MEIS1: variants seen among roughly 807,000 people sequenced by gnomAD.
MEIS1 encodes the protein Meis homeobox 1, also known as homeobox protein Meis1.
Under a neutral mutation model 50.8 loss-of-function variants are expected in MEIS1, and 5 were observed. That is an observed-to-expected ratio of 0.10 (90% CI 0.05 to 0.21). The LOEUF is 0.21. Ranked by LOEUF, MEIS1 falls within the 10% of genes least tolerant of loss-of-function variation. MEIS1 has a pLI of 1.00. For synonymous variants in MEIS1, 176 were observed against 179.3 expected, an observed-to-expected ratio of 0.98 and a Z score of 0.15; for missense variants, 318 against 517.3, an observed-to-expected ratio of 0.61 and a Z score of 3.74.
chr2:66,514,207 ATCAAATAT>A (rs1673907102), intron 8 of MEIS1, among the ~76,000 whole-genome samples: 1 of 152,200 alleles, frequency 6.6e-6, no homozygotes, highest in Non-Finnish European at 1.5e-5. Context: ...ATAAAATATA[ATCAAATAT>A]TGGTTCAGAC....
At chr2:66,555,254 T>TTCTCTCTCTCTC (rs776470607) in intron 9 of MEIS1, among the ~76,000 whole-genome samples, 4 of 35,486 alleles carry the variant, frequency 1.1e-4, no homozygotes, top group Non-Finnish European at 2.4e-4. Context: ...TGTGTACGTG[T>TTCTCTCTCTCTC]TCTCTCTCTC....
intron 6 of MEIS1, among the ~76,000 whole-genome samples, chr2:66,449,292 A>G (rs2103707846): frequency 6.6e-6 from 1 of 152,186 alleles, no homozygotes; most frequent in Non-Finnish European, 1.5e-5. Flanking sequence ...AACATATAAA[A>G]TACAGTCTCC....
chr2:66,471,131 T>C (rs186989121), intron 7 of MEIS1, among the ~76,000 whole-genome samples: 2 of 152,366 alleles, frequency 1.3e-5, no homozygotes, highest in Admixed American at 1.3e-4. Flanking sequence ...AGTTGGAGTT[T>C]CAGCTTGTCT....
intron 10 of MEIS1, chr2:66,568,466 T>C: frequency 4.2e-6 from 2 of 475,680 alleles, no homozygotes; most frequent in Non-Finnish European, 7.7e-6. Context: ...GTTCCCTCTT[T>C]GAGCTAGATG....
intron 7 of MEIS1, among the ~76,000 whole-genome samples, chr2:66,505,626 A>C (rs1361977325): frequency 6.6e-6 from 1 of 152,218 alleles, no homozygotes; most frequent in East Asian, 1.9e-4. Context: ...AAACCTGGGA[A>C]ATGTGCAAAG....
At chr2:66,478,602 C>G (rs913434326) in intron 7 of MEIS1, among the ~76,000 whole-genome samples, 8 of 152,214 alleles carry the variant, frequency 5.3e-5, no homozygotes, top group Non-Finnish European at 5.9e-5. Context: ...AAACATCTAT[C>G]TGACTTTTTA....
intron 8 of MEIS1, among the ~76,000 whole-genome samples, chr2:66,542,862 A>G (rs1311563982): frequency 6.6e-6 from 1 of 152,204 alleles, no homozygotes; most frequent in African/African-American, 2.4e-5. Context: ...CCAAGGGTGG[A>G]AATTTTGATG....
intron 2 of MEIS1, chr2:66,439,555 T>G: frequency 1.3e-6 from 2 of 1,514,504 alleles, no homozygotes; most frequent in Non-Finnish European, 1.8e-6. Context: ...CTGGAAACGC[T>G]TGGGTTTTAT....
In MEIS1 at chr2:66,554,404, C is replaced by T. The variant is rs1464035952; in HGVS notation, c.965+6385C>T. On this transcript the variant is annotated intron_variant, in intron 9 of 12. Transcript: ENST00000272369. ...ATGGGGCAGGACTTGACTCCCATTT[C>T]CCTGGAGAGGGCATAGGGATGAGGG... is the stretch of plus-strand genomic sequence containing the variant. 2.0e-5 allele frequency among the ~76,000 whole-genome samples: 3 copies of T among 152,158 alleles called. No individual in the cohort carries two copies. In the East Asian group the frequency reaches 5.8e-4, roughly 29 times the overall value.
At position 66,564,677 on chromosome 2, in the gene MEIS1, G is replaced by A. The variant is rs376367567; in HGVS notation, c.966-2776G>A. 6.6e-5 allele frequency among the ~76,000 whole-genome samples: 10 copies of A among 152,054 alleles called. No individual in the cohort carries two copies. In the East Asian group the frequency reaches 1.9e-3, roughly 29 times the overall value. On this transcript the variant is annotated intron_variant, in intron 9 of 12. Coordinates refer to ENST00000272369, the MANE Select transcript of MEIS1 (RefSeq NM_002398.3). ...TTAGAATTGCTTACAGTACCCCAAG[G>A]AGTTGTGCTGATAAAACTATTAGGT...
intron 9 of MEIS1, among the ~76,000 whole-genome samples, chr2:66,563,369 T>C (rs781006560): frequency 6.7e-4 from 102 of 152,316 alleles, no homozygotes; most frequent in Non-Finnish European, 1.2e-3. Flanking sequence ...TTCTTCTATG[T>C]TGAATCTCTA....
chr2:66,436,165 G>A (rs1467500351), intron 1 of MEIS1, among the ~76,000 whole-genome samples: 1 of 152,022 alleles, frequency 6.6e-6, no homozygotes, highest in Non-Finnish European at 1.5e-5. Context: ...GATACCTAAA[G>A]CTGTAATTTG....
At chr2:66,479,307 A>T (rs1157909172) in intron 7 of MEIS1, among the ~76,000 whole-genome samples, 1 of 152,254 alleles carries the variant, frequency 6.6e-6, no homozygotes, top group Non-Finnish European at 1.5e-5. Flanking sequence ...TTCCCAGAGG[A>T]AAACACCCTA....
At chr2:66,474,893 G>A (rs1672852081) in intron 7 of MEIS1, among the ~76,000 whole-genome samples, 1 of 151,980 alleles carries the variant, frequency 6.6e-6, no homozygotes, top group Non-Finnish European at 1.5e-5. Context: ...ACGTAGCAAA[G>A]CTTACATTTT....
intron 6 of MEIS1, among the ~76,000 whole-genome samples, chr2:66,463,588 G>T (rs1489516120): frequency 6.6e-6 from 1 of 152,078 alleles, no homozygotes; most frequent in Non-Finnish European, 1.5e-5. Context: ...CCTATGCCTG[G>T]TCCATTTGCC....
chr2:66,506,342 T>C (rs910635296), intron 7 of MEIS1, among the ~76,000 whole-genome samples: 1 of 152,006 alleles, frequency 6.6e-6, no homozygotes, highest in African/African-American at 2.4e-5. Flanking sequence ...GTTTGTCATG[T>C]TGTTGGGGGA....
In MEIS1 at chr2:66,435,678, C is replaced by T. The variant is rs1238400832; in HGVS notation, c.-179C>T. On this transcript the variant is annotated 5_prime_UTR_variant, in exon 1 of 13. Coordinates refer to ENST00000272369, the MANE Select transcript of MEIS1 (RefSeq NM_002398.3). ...GACTCGGGCGCTTTGCTTCAGGTCCCGTAGACCGAAGATCTGGGACCAGTA... is the reference window on the plus strand; with the variant it reads ...GACTCGGGCGCTTTGCTTCAGGTCCTGTAGACCGAAGATCTGGGACCAGTA... The T allele has an allele frequency of 7.3e-6, 4 of 544,422 alleles. No individual in the cohort carries two copies. In the East Asian group the frequency reaches 1.0e-4, roughly 14 times the overall value. The allele number at this position is 544,422 out of a possible 1,614,324, so 33.7% of individuals were successfully genotyped here.
At chr2:66,566,544 T>C (rs149075977) in intron 9 of MEIS1, among the ~76,000 whole-genome samples, 3 of 152,262 alleles carry the variant, frequency 2.0e-5, no homozygotes, top group Admixed American at 6.5e-5. Context: ...TTTAATATTA[T>C]GCAGAACAAA....
chr2:66,446,077 C>T (rs1008666251), intron 6 of MEIS1, among the ~76,000 whole-genome samples: 2 of 152,088 alleles, frequency 1.3e-5, no homozygotes, highest in African/African-American at 4.8e-5. Context: ...TTCCCGGCCT[C>T]AGCGTGGGGC....
Sources: allele counts gnomAD v4.1 joint callset (sites outside exome capture counted in the v4.1 genomes callset), GRCh38; gene constraint gnomAD v4.1.1; transcripts MANE v1.5; gene names NCBI Gene and HGNC (gene_info 2026-07-23, HGNC 2026-07-21).